Variants in IRF2 observed in about 807,000 individuals in gnomAD.
The protein encoded by IRF2 is interferon regulatory factor 2.
IRF2 carries 15 observed loss-of-function variants against 40.6 expected under a neutral mutation model. The ratio of observed to expected loss-of-function variants is 0.37; its 90% confidence interval spans 0.25 to 0.57. The LOEUF is 0.57. IRF2 is among the 20% of genes least tolerant of loss of function. The pLI, the probability that IRF2 is intolerant of heterozygous loss-of-function variation, is 0.77. For synonymous variants in IRF2, 151 were observed against 165.5 expected, an observed-to-expected ratio of 0.91 and a Z score of 0.67; for missense variants, 317 against 455.7, an observed-to-expected ratio of 0.70 and a Z score of 2.77.
chr4:184,458,663 T>C lies in IRF2; in HGVS notation c.-7+15716A>G, dbSNP rs371886041. ...ATATTATTTCTCTGTTTCTCACATATATTATGCATCTTCTTCCAATTATTT... is the reference window on the plus strand; with the variant it reads ...ATATTATTTCTCTGTTTCTCACATACATTATGCATCTTCTTCCAATTATTT... On this transcript the variant is annotated intron_variant, in intron 1 of 8. Transcript: ENST00000393593. Among the ~76,000 whole-genome samples the C allele has an allele frequency of 1.1e-3, 170 of 152,362 alleles. No individual in the cohort carries two copies. The South Asian group carries it at 0.034, about 30-fold the overall frequency.
At position 184,408,347 on chromosome 4, in the gene IRF2, C is replaced by G; in HGVS notation, c.412-72G>C. 2 of 926,930 alleles carry G rather than the reference C, an allele frequency of 2.2e-6. No homozygotes were observed. Among genetic ancestry groups the G allele is most frequent in the South Asian group, 2.7e-5 (2 of 74,692 alleles). The allele number at this position is 926,930 out of a possible 1,614,324, so 57.4% of individuals were successfully genotyped here. ...TCCCTTCTCTTAGCTGAAATTCTAC[C>G]CTCTGCCTACTTTCTTTAATGCTAG... On this transcript the variant is annotated intron_variant, in intron 5 of 8. Transcript: ENST00000393593. The surrounding 1 kb of genome is among the most constrained non-coding windows in gnomAD (Gnocchi z 4.9).
At chr4:184,415,814 A>G (rs1268773279) in intron 5 of IRF2, among the ~76,000 whole-genome samples, 1 of 152,206 alleles carries the variant, frequency 6.6e-6, no homozygotes, top group African/African-American at 2.4e-5. Flanking sequence ...CTACTTATTT[A>G]TACATCTATT....
intron 1 of IRF2, among the ~76,000 whole-genome samples, chr4:184,446,716 A>G (rs1400146066): frequency 1.3e-5 from 2 of 152,130 alleles, no homozygotes; most frequent in East Asian, 3.8e-4. Flanking sequence ...AAAAGCATGC[A>G]TAGGAGGCGG....
In IRF2 at chr4:184,419,571, GAAA is replaced by G. The variant is rs70959195; in HGVS notation, c.88-6_88-4del. 0.037 allele frequency: 32,959 copies of G among 899,634 alleles called. 9 individuals are homozygous for G. The highest frequency in any genetic ancestry group is 0.062 in the Middle Eastern group (256 of 4,148). The allele number at this position is 899,634 out of a possible 1,614,324, so 55.7% of individuals were successfully genotyped here. On this transcript the variant is annotated splice_polypyrimidine_tract_variant and splice_region_variant and intron_variant, in intron 2 of 8. Coordinates refer to ENST00000393593, the MANE Select transcript of IRF2 (RefSeq NM_002199.4). ...GGGATCTGAAAAATCTTCTTTTCCT[GAAA>G]AAAAAAAAAAAAAAAAAGGTAAAGA...
intron 1 of IRF2, among the ~76,000 whole-genome samples, chr4:184,443,328 A>C (rs1486223359): frequency 6.6e-6 from 1 of 152,212 alleles, no homozygotes; most frequent in Non-Finnish European, 1.5e-5. Flanking sequence ...TAGTGAACAT[A>C]GTACCCAATA....
intron 1 of IRF2, among the ~76,000 whole-genome samples, chr4:184,451,789 A>G (rs1198807114): frequency 1.3e-5 from 2 of 152,198 alleles, no homozygotes; most frequent in Admixed American, 1.3e-4. Flanking sequence ...CAGATCAGAA[A>G]GAAAACACAA....
chr4:184,396,650 G>A (rs879314290), intron 7 of IRF2, among the ~76,000 whole-genome samples: 1 of 151,838 alleles, frequency 6.6e-6, no homozygotes, highest in African/African-American at 2.4e-5. Context: ...TGCCCAGGCT[G>A]GTCTCCAATT....
rs145601715 is a variant in IRF2 at position 184,396,527 on chromosome 4, G to A, written c.694+2388C>T. 3.5e-3 allele frequency among the ~76,000 whole-genome samples: 535 copies of A among 151,500 alleles called. 1 individual carries two copies. The highest frequency in any genetic ancestry group is 5.6e-3 in the Non-Finnish European group (378 of 67,878). On this transcript the variant is annotated intron_variant, in intron 7 of 8. Coordinates refer to ENST00000393593, the MANE Select transcript of IRF2 (RefSeq NM_002199.4). ...GGGCTCAATGAAGCCTTGAACTCCT[G>A]GGCTCAAGGGGATGCTCCTGCCTCA...
chr4:184,436,870 C>G (rs1738099010), intron 1 of IRF2, among the ~76,000 whole-genome samples: 1 of 152,128 alleles, frequency 6.6e-6, no homozygotes, highest in Non-Finnish European at 1.5e-5. Flanking sequence ...CAGTTAAATA[C>G]TAGTATCCCC....
chr4:184,409,030 T>C (rs1415158965), intron 5 of IRF2, among the ~76,000 whole-genome samples: 1 of 152,138 alleles, frequency 6.6e-6, no homozygotes, highest in African/African-American at 2.4e-5. Context: ...TCCACTCCCT[T>C]GTACTAAACA....
intron 1 of IRF2, among the ~76,000 whole-genome samples, chr4:184,457,849 C>CAAA (rs11450693): frequency 1.3e-5 from 2 of 148,198 alleles, no homozygotes; most frequent in African/African-American, 5.0e-5. Flanking sequence ...AAAAACCTTC[C>CAAA]AAAAAAAAAA....
At chr4:184,412,979 C>T (rs1408648102) in intron 5 of IRF2, among the ~76,000 whole-genome samples, 2 of 152,238 alleles carry the variant, frequency 1.3e-5, no homozygotes, top group Non-Finnish European at 2.9e-5. Flanking sequence ...CTCTCTGTCA[C>T]TTCAAAGGCA....
chr4:184,463,303 G>C (rs192520302), intron 1 of IRF2, among the ~76,000 whole-genome samples: 9 of 152,222 alleles, frequency 5.9e-5, no homozygotes, highest in African/African-American at 2.2e-4. Context: ...CCCCTGTATT[G>C]TCTTCACACC....
chr4:184,433,476 G>C (rs1024988396), intron 1 of IRF2, among the ~76,000 whole-genome samples: 2 of 152,190 alleles, frequency 1.3e-5, no homozygotes, highest in South Asian at 4.1e-4. Flanking sequence ...CAACATGCCT[G>C]TCTAGTAAGG....
intron 1 of IRF2, among the ~76,000 whole-genome samples, chr4:184,461,610 C>T (rs1739146979): frequency 6.6e-6 from 1 of 152,130 alleles, no homozygotes; most frequent in African/African-American, 2.4e-5. Context: ...TGAATAAACA[C>T]CTGCTAAATA....
intron 1 of IRF2, among the ~76,000 whole-genome samples, chr4:184,446,815 C>T (rs1464517543): frequency 1.3e-5 from 2 of 151,870 alleles, no homozygotes; most frequent in African/African-American, 4.8e-5. Context: ...ATTAGCCAGG[C>T]GTGGTGACGG....
chr4:184,410,342 CCATTACCA>C (rs1259657639), intron 5 of IRF2, among the ~76,000 whole-genome samples: 1 of 152,230 alleles, frequency 6.6e-6, no homozygotes, highest in Non-Finnish European at 1.5e-5. Flanking sequence ...TAAGCACTCA[CCATTACCA>C]AAGGTCACCA....
At chr4:184,404,764 C>G (rs1209760062) in intron 6 of IRF2, among the ~76,000 whole-genome samples, 1 of 152,130 alleles carries the variant, frequency 6.6e-6, no homozygotes, top group African/African-American at 2.4e-5. Context: ...GCCGGTGACT[C>G]CGAGACAGGG....
intron 7 of IRF2, among the ~76,000 whole-genome samples, chr4:184,395,181 G>A (rs1736399403): frequency 6.6e-6 from 1 of 152,058 alleles, no homozygotes; most frequent in Non-Finnish European, 1.5e-5. Flanking sequence ...GGAGGCCGAA[G>A]CGGGTGGATC....
Sources: allele counts gnomAD v4.1 joint callset (sites outside exome capture counted in the v4.1 genomes callset), GRCh38; gene constraint gnomAD v4.1.1; non-coding constraint Gnocchi (gnomAD v3.1); transcripts MANE v1.5; gene names NCBI Gene and HGNC (gene_info 2026-07-23, HGNC 2026-07-21).